Variants in DOCK10 observed in about 807,000 individuals in gnomAD.
DOCK10 encodes dedicator of cytokinesis protein 10.
In DOCK10, 145 loss-of-function variants were observed where a neutral mutation model predicts 280.1. That is an observed-to-expected ratio of 0.52 (90% CI 0.45 to 0.59). The LOEUF (loss-of-function observed/expected upper bound fraction) is 0.59. Among genes scored for constraint, DOCK10 ranks in the 20% least tolerant of loss-of-function variants. The pLI, the probability that DOCK10 is intolerant of heterozygous loss-of-function variation, is 0.00. For synonymous variants in DOCK10, 915 were observed against 942.2 expected (o/e 0.97, Z 0.53); for missense variants, 2,368 against 2,651.7 (o/e 0.89, Z 2.35).
At chr2:225,022,644 T>A (rs1241989815) in intron 1 of DOCK10, among the ~76,000 whole-genome samples, 1 of 152,240 alleles carries the variant, frequency 6.6e-6, no homozygotes, top group East Asian at 1.9e-4. Context: ...AAAATTCTGA[T>A]ACTGTGAAAT....
intron 25 of DOCK10, among the ~76,000 whole-genome samples, chr2:224,835,883 G>T (rs972266492): frequency 6.6e-6 from 1 of 152,206 alleles, no homozygotes; most frequent in Non-Finnish European, 1.5e-5. Context: ...ATAATCTCCT[G>T]TATTATAAAG....
chr2:224,774,456 G>A (rs1389429217), intron 52 of DOCK10, among the ~76,000 whole-genome samples: 2 of 152,218 alleles, frequency 1.3e-5, no homozygotes. Flanking sequence ...TCACAGCATA[G>A]ATCTAGAGAG....
At chr2:225,041,186 C>T (rs1299885358) in intron 1 of DOCK10, among the ~76,000 whole-genome samples, 2 of 152,182 alleles carry the variant, frequency 1.3e-5, no homozygotes, top group African/African-American at 4.8e-5. Context: ...TTTTGGCGCC[C>T]TCCTCATTGG....
intron 19 of DOCK10, among the ~76,000 whole-genome samples, chr2:224,846,500 CTTT>C (rs796471168): frequency 1.5e-5 from 2 of 129,036 alleles, no homozygotes; most frequent in Admixed American, 7.7e-5. Flanking sequence ...TGACCTCTGG[CTTT>C]TTTTTTTTTT....
intron 19 of DOCK10, among the ~76,000 whole-genome samples, chr2:224,849,089 C>T (rs1277829699): frequency 6.6e-6 from 1 of 152,124 alleles, no homozygotes; most frequent in Non-Finnish European, 1.5e-5. Flanking sequence ...GAGTCTCCTG[C>T]CTCAGCCTCC....
intron 1 of DOCK10, among the ~76,000 whole-genome samples, chr2:224,999,620 G>C (rs776389165): frequency 9.2e-5 from 14 of 151,718 alleles, no homozygotes; most frequent in Non-Finnish European, 1.3e-4. Context: ...GAGACACAAA[G>C]AGTCCTATCC....
intron 3 of DOCK10, among the ~76,000 whole-genome samples, chr2:224,902,432 T>A (rs546230837): frequency 2.0e-5 from 3 of 152,350 alleles, no homozygotes; most frequent in African/African-American, 7.2e-5. Context: ...GTGGCAATTT[T>A]AGTATTCATG....
At chr2:224,981,272 G>A (rs1705735602) in intron 1 of DOCK10, among the ~76,000 whole-genome samples, 1 of 152,158 alleles carries the variant, frequency 6.6e-6, no homozygotes. Context: ...AAGTAGGCAA[G>A]TAATGTTATA....
Position 224,906,016 on chromosome 2 carries a change from A to G in DOCK10, c.334-9639T>C, listed in dbSNP as rs907649058. Among the ~76,000 whole-genome samples the G allele has an allele frequency of 7.9e-5, 12 of 152,144 alleles. No homozygotes were observed. In the South Asian group the frequency reaches 2.5e-3, roughly 32 times the overall value. ...ATCTTCTTCTTGGATCTCTCTCTGC[A>G]TGTTGGCAAATAAGGTTATCTTCTT... is the stretch of plus-strand genomic sequence containing the variant. On this transcript the variant is annotated intron_variant, in intron 3 of 55. Transcript: ENST00000258390.
chr2:224,836,170 A>C (rs1695580217), intron 25 of DOCK10, among the ~76,000 whole-genome samples: 1 of 152,172 alleles, frequency 6.6e-6, no homozygotes, highest in Admixed American at 6.5e-5. Context: ...TCTCTTTCTC[A>C]GTCCCTTTAA....
chr2:224,930,391 G>A lies in DOCK10; in HGVS notation c.243+1158C>T, dbSNP rs529202317. Among the ~76,000 whole-genome samples, 3 of 152,230 alleles carry A rather than the reference G, an allele frequency of 2.0e-5. No homozygotes were observed. The East Asian group carries it at 5.8e-4, about 29-fold the overall frequency. ...GAAATGAGATCTCTGCACGAGATAA[G>A]TCTCTCTCAAAATGTGCCAGCACTC... On this transcript the variant is annotated intron_variant, in intron 2 of 55. Coordinates refer to ENST00000258390, the MANE Select transcript of DOCK10 (RefSeq NM_014689.3).
At chr2:224,974,116 A>C (rs1030907382) in intron 1 of DOCK10, among the ~76,000 whole-genome samples, 1 of 152,134 alleles carries the variant, frequency 6.6e-6, no homozygotes, top group African/African-American at 2.4e-5. Context: ...CATTTGTTTG[A>C]GCTCTGTGTC....
chr2:224,918,436 G>A lies in DOCK10; in HGVS notation c.244-1652C>T, dbSNP rs186085148. On this transcript the variant is annotated intron_variant, in intron 2 of 55. Transcript: ENST00000258390. ...GTGTTGCATTTGAGTGCGTGTGTTC[G>A]TATGGTGTGTGTATGTGTTATGTGA... 1.2e-3 allele frequency among the ~76,000 whole-genome samples: 166 copies of A among 141,958 alleles called. 1 individual carries two copies. The highest frequency in any genetic ancestry group is 3.7e-3 in the Middle Eastern group (1 of 268). The allele number at this position is 141,958 out of a possible 152,430, so 93.1% of individuals were successfully genotyped here.
At chr2:224,959,523 C>T (rs564315699) in intron 1 of DOCK10, among the ~76,000 whole-genome samples, 1 of 150,428 alleles carries the variant, frequency 6.6e-6, no homozygotes, top group East Asian at 2.0e-4. Flanking sequence ...ACATTTAGTC[C>T]AGATGATGCA....
intron 26 of DOCK10, among the ~76,000 whole-genome samples, chr2:224,831,313 T>A (rs565161819): frequency 6.6e-6 from 1 of 152,226 alleles, no homozygotes; most frequent in Non-Finnish European, 1.5e-5. Context: ...GAAGGTCATA[T>A]GTCTAGATAT....
Position 224,793,000 on chromosome 2 carries a change from G to A in DOCK10, c.5285C>T (p.Ser1762Leu). 6.2e-7 allele frequency: 1 copy of A among 1,613,726 alleles called. No homozygotes were observed. Among genetic ancestry groups the A allele is most frequent in the East Asian group, 2.2e-5 (1 of 44,872 alleles). Residue 1762 changes from serine to leucine, a missense_variant, in exon 47 of 56, where the codon TCA becomes TTA. By Grantham distance (145) the Ser-to-Leu change is moderately radical. Around this residue, in one of 2 missense-constraint regions of DOCK10, gnomAD observed 1,159 missense variants for 1,400.8 expected, o/e 0.83. Coordinates refer to ENST00000258390, the MANE Select transcript of DOCK10 (RefSeq NM_014689.3). Reference protein sequence around the residue: ...SEDTHPCDSNSLLTTPSGGSM... With the variant: ...SEDTHPCDSNLLLTTPSGGSM... ...TCCTCCACTGGGAGTTGTTAGTAAT[G>A]AGTTGCTATCACAGGGGTGGGTATC... is the stretch of plus-strand genomic sequence containing the variant.
At chr2:224,823,414 T>G in intron 28 of DOCK10, 87 bp downstream of exon 28, 1 of 1,150,930 alleles carries the variant, frequency 8.7e-7, no homozygotes, top group South Asian at 2.6e-5. Context: ...TCATCATACA[T>G]GAAGATGTGA....
At chr2:224,797,691 T>C (rs1692680126) in intron 42 of DOCK10, 141 bp downstream of exon 42, 5 of 911,414 alleles carry the variant, frequency 5.5e-6, no homozygotes, top group Non-Finnish European at 8.3e-6. Context: ...AGACCAGGAA[T>C]CAATGTCTAA....
At chr2:224,923,628 G>A (rs1218958399) in intron 2 of DOCK10, among the ~76,000 whole-genome samples, 2 of 152,226 alleles carry the variant, frequency 1.3e-5, no homozygotes, top group Non-Finnish European at 2.9e-5. Context: ...ACTGAAGAGC[G>A]GCCCAGCACT....
Sources: gnomAD v4.1 joint callset for allele counts (sites outside exome capture counted in the v4.1 genomes callset) on GRCh38, gnomAD v4.1.1 for gene constraint, gnomAD v4.1.1 regional missense constraint, MANE v1.5 for transcripts, NCBI Gene and HGNC (gene_info 2026-07-23, HGNC 2026-07-21) for gene names.